Variants in TBC1D1 observed in about 807,000 individuals in gnomAD.
TBC1D1 encodes TBC1 domain family member 1, also known as TBC1 (tre-2/USP6, BUB2, cdc16) domain family, member 1.
TBC1D1 carries 89 observed loss-of-function variants against 125.6 expected under a neutral mutation model. The ratio of observed to expected loss-of-function variants is 0.71; its 90% CI spans 0.60 to 0.85. TBC1D1 has a LOEUF of 0.85. TBC1D1 is among the 40% of genes least tolerant of loss of function. TBC1D1 has a pLI of 0.00. For synonymous variants in TBC1D1, 565 were observed against 564.1 expected, an observed-to-expected ratio of 1.00 and a Z score of -0.02; for missense variants, 1,377 against 1,469.2, an observed-to-expected ratio of 0.94 and a Z score of 1.03.
intron 18 of TBC1D1, among the ~76,000 whole-genome samples, chr4:38,127,540 C>T (rs989620427): frequency 6.6e-5 from 10 of 152,072 alleles, no homozygotes; most frequent in South Asian, 4.1e-4. Flanking sequence ...TGTGCCACCA[C>T]GCTCAGCTAA....
intron 2 of TBC1D1, among the ~76,000 whole-genome samples, chr4:37,997,164 A>G (rs1275670464): frequency 6.6e-6 from 1 of 152,254 alleles, no homozygotes; most frequent in East Asian, 1.9e-4. Context: ...ATCTAAACTC[A>G]AGCTTGAACC....
chr4:38,051,914 T>G (rs1750630179), intron 11 of TBC1D1: 1 of 1,550,402 alleles, frequency 6.4e-7, no homozygotes, highest in East Asian at 2.4e-5. Flanking sequence ...ATCCTTCACC[T>G]GTGGGTGAGT....
At chr4:37,910,445 A>G (rs899910787) in intron 2 of TBC1D1, among the ~76,000 whole-genome samples, 2 of 152,252 alleles carry the variant, frequency 1.3e-5, no homozygotes, top group African/African-American at 4.8e-5. Context: ...TAATGATTAC[A>G]TGTTGAAATA....
At position 38,103,186 on chromosome 4, in the gene TBC1D1, C is replaced by T. The variant is rs773240366; in HGVS notation, c.2557+29C>T. On this transcript the variant is annotated intron_variant, in intron 15 of 19. Coordinates refer to ENST00000261439, the MANE Select transcript of TBC1D1 (RefSeq NM_015173.4). ...AGTCTGTGCCATCGATTGGAGATGA[C>T]AATGGAAGTTTCACTCACATGAAAA... is the stretch of plus-strand genomic sequence containing the variant. The T allele has an allele frequency of 3.8e-6, 6 of 1,583,074 alleles. No individual in the cohort carries two copies. The South Asian group carries it at 5.8e-5, about 15-fold the overall frequency.
At chr4:37,990,424 C>A (rs1736313570) in intron 2 of TBC1D1, among the ~76,000 whole-genome samples, 1 of 152,020 alleles carries the variant, frequency 6.6e-6, no homozygotes, top group Admixed American at 6.6e-5. Context: ...AGATTGGATA[C>A]CCCTGTATTA....
intron 2 of TBC1D1, among the ~76,000 whole-genome samples, chr4:37,959,844 A>G (rs1729622391): frequency 6.6e-6 from 1 of 152,192 alleles, no homozygotes; most frequent in African/African-American, 2.4e-5. Flanking sequence ...CACGTTGCTC[A>G]GAGAGGGCCT....
intron 14 of TBC1D1, 69 bp downstream of exon 16, chr4:38,096,159 A>T: frequency 7.4e-7 from 1 of 1,343,792 alleles, no homozygotes; most frequent in Non-Finnish European, 1.0e-6. Flanking sequence ...GTGTGGAATT[A>T]AAAAAAAGTC....
At chr4:37,953,514 T>G (rs1728307185) in intron 2 of TBC1D1, among the ~76,000 whole-genome samples, 1 of 152,194 alleles carries the variant, frequency 6.6e-6, no homozygotes, top group Non-Finnish European at 1.5e-5. Context: ...ATTCAATAAT[T>G]TTGCAATTAA....
chr4:38,082,027 G>T (rs1435308593), intron 12 of TBC1D1, among the ~76,000 whole-genome samples: 3 of 152,162 alleles, frequency 2.0e-5, no homozygotes, highest in Non-Finnish European at 4.4e-5. Context: ...TGGGGTACTT[G>T]TAAAGCACAC....
intron 2 of TBC1D1, among the ~76,000 whole-genome samples, chr4:37,980,279 G>T (rs1335692941): frequency 1.3e-5 from 2 of 152,208 alleles, no homozygotes; most frequent in Non-Finnish European, 2.9e-5. Context: ...TAGGGCAGGT[G>T]TACATTGCAT....
intron 15 of TBC1D1, among the ~76,000 whole-genome samples, chr4:38,113,391 A>C (rs1336177474): frequency 6.6e-6 from 1 of 152,052 alleles, no homozygotes; most frequent in Non-Finnish European, 1.5e-5. Flanking sequence ...AGAAATAGCC[A>C]CTCTACAAGC....
chr4:38,017,366 A>G (rs1437654249), intron 3 of TBC1D1, among the ~76,000 whole-genome samples: 1 of 152,196 alleles, frequency 6.6e-6, no homozygotes, highest in Non-Finnish European at 1.5e-5. Context: ...AAAATGAATT[A>G]GTTTTTCATC....
At chr4:38,020,497 A>G in intron 4 of TBC1D1, 94 bp from the exon 5 acceptor site, 1 of 995,066 alleles carries the variant, frequency 1.0e-6, no homozygotes. Context: ...AATAAAAAGT[A>G]AAATAAATTG....
Position 38,014,848 on chromosome 4 carries a change from G to C in TBC1D1, c.757G>C (p.Gly253Arg). 1 of 1,612,094 alleles carries C rather than the reference G, an allele frequency of 6.2e-7. No homozygotes were observed. Among genetic ancestry groups the C allele is most frequent in the Non-Finnish European group, 8.5e-7 (1 of 1,178,588 alleles). ...GGCCTTTAGGAAGGAGCTGCAGGAT[G>C]GGGGCCTCCGAAGCAGCGGCTTCTT... Residue 253 changes from glycine (G) to arginine (R), a missense_variant, in exon 3 of 20, where the codon GGG (glycine) becomes CGG (arginine). Around this residue, in one of 3 missense-constraint regions of TBC1D1, gnomAD observed 822 missense variants for 824.6 expected, o/e 1.00. Coordinates refer to ENST00000261439, the MANE Select transcript of TBC1D1 (RefSeq NM_015173.4). The surrounding 1 kb of genome is among the most constrained non-coding windows in gnomAD (Gnocchi z 5.1).
In TBC1D1 at chr4:37,902,368, C is replaced by G. The variant is rs1560456324; in HGVS notation, c.273C>G (p.Ser91=). 6.2e-7 allele frequency: 1 copy of G among 1,614,220 alleles called. No homozygotes were observed. Among genetic ancestry groups the G allele is most frequent in the South Asian group, 1.1e-5 (1 of 91,090 alleles). The change falls in exon 2 of 20, where the codon TCC becomes TCG. Residue 91 remains serine (S), a synonymous_variant. Coordinates refer to ENST00000261439, the MANE Select transcript of TBC1D1 (RefSeq NM_015173.4). ...AACAGTGGGATCCCCTGATCTATTC[C>G]AGCATCTTTGAGTGCAAGCCTCAGC...
intron 15 of TBC1D1, among the ~76,000 whole-genome samples, chr4:38,109,203 G>A (rs546669443): frequency 2.0e-5 from 3 of 152,314 alleles, no homozygotes; most frequent in East Asian, 3.9e-4. Flanking sequence ...GCTGTATGGA[G>A]GTCAGTTGAA....
At chr4:38,093,706 T>C (rs955906498) in intron 13 of TBC1D1, among the ~76,000 whole-genome samples, 2 of 151,956 alleles carry the variant, frequency 1.3e-5, no homozygotes, top group Admixed American at 6.6e-5. Flanking sequence ...TTAGTAGTAG[T>C]AGTAGTAGTA....
intron 7 of TBC1D1, among the ~76,000 whole-genome samples, chr4:38,029,358 G>C (rs1342102268): frequency 6.6e-6 from 1 of 151,880 alleles, no homozygotes; most frequent in Non-Finnish European, 1.5e-5. Flanking sequence ...TGAAAGGATT[G>C]TCTCTCTCTC....
In TBC1D1 at chr4:38,137,307, G is replaced by T. The variant is rs900061124; in HGVS notation, c.3479G>T (p.Cys1160Phe). 1 of 1,611,094 alleles carries T rather than the reference G, an allele frequency of 6.2e-7. No homozygotes were observed. Among genetic ancestry groups the T allele is most frequent in the African/African-American group, 1.3e-5 (1 of 74,824 alleles). The change falls in exon 20 of 20, where the codon TGC becomes TTC. Residue 1160 changes from cysteine (C) to phenylalanine (F), a missense_variant. Around this residue, in one of 3 missense-constraint regions of TBC1D1, gnomAD observed 543 missense variants for 613.5 expected, o/e 0.89. Coordinates refer to ENST00000261439, the MANE Select transcript of TBC1D1 (RefSeq NM_015173.4). ...GAGCCCAGCGACCGGGAGCCTGAGT[G>T]CACGCAGCCCGAGCCCACGGGCGAC...
Sources: allele counts gnomAD v4.1 joint callset (sites outside exome capture counted in the v4.1 genomes callset), GRCh38; gene constraint gnomAD v4.1.1; regional missense constraint gnomAD v4.1.1; non-coding constraint Gnocchi (gnomAD v3.1); transcripts MANE v1.5; gene names NCBI Gene and HGNC (gene_info 2026-07-23, HGNC 2026-07-21).